CTNNA3: variants seen among roughly 807,000 people sequenced by gnomAD.
CTNNA3 encodes catenin alpha-3.
Under a neutral mutation model 95.7 loss-of-function variants are expected in CTNNA3, and 76 were observed. That is an observed-to-expected ratio of 0.79 (90% CI 0.66 to 0.96). The LOEUF is 0.96. CTNNA3 is among the 40% of genes least tolerant of loss of function. The probability of loss-of-function intolerance (pLI) is 0.00; values close to 1 mark genes in which losing one functional copy is unlikely to be tolerated. For missense variants in CTNNA3, 1,191 were observed against 1,089.8 expected (o/e 1.09, Z -1.31); for synonymous variants, 431 against 374.4 (o/e 1.15, Z -1.74).
intron 5 of CTNNA3, among the ~76,000 whole-genome samples, chr10:67,280,782 C>G (rs1839366480): frequency 6.6e-6 from 1 of 152,020 alleles, no homozygotes; most frequent in African/African-American, 2.4e-5. Context: ...ATTTACAATC[C>G]CTCAAAATTG....
intron 17 of CTNNA3, among the ~76,000 whole-genome samples, chr10:65,940,346 A>G (rs1424905492): frequency 6.6e-6 from 1 of 152,232 alleles, no homozygotes; most frequent in East Asian, 1.9e-4. Flanking sequence ...AGTTTAAAAC[A>G]TTGTTAATCT....
rs994783101 is a variant in CTNNA3, at chr10:67,191,672, A to T, written c.844-11152T>A. 2.6e-5 allele frequency among the ~76,000 whole-genome samples: 4 copies of T among 152,056 alleles called. No homozygotes were observed. In the East Asian group the frequency reaches 5.8e-4, roughly 22 times the overall value. ...ATTAGTACTGTTAAATGTCTATATT[A>T]CCCAAAGTGATCTATAGAGTCAAAA... On this transcript the variant is annotated intron_variant, in intron 6 of 17. Coordinates refer to ENST00000433211, the MANE Select transcript of CTNNA3 (RefSeq NM_013266.4).
chr10:66,163,269 T>A (rs1285973878), intron 13 of CTNNA3, among the ~76,000 whole-genome samples: 3 of 152,076 alleles, frequency 2.0e-5, no homozygotes, highest in African/African-American at 7.2e-5. Flanking sequence ...CCGTTAGTGA[T>A]TTCCTCCTCC....
chr10:65,979,565 A>G (rs957098816), intron 16 of CTNNA3, among the ~76,000 whole-genome samples: 1 of 152,078 alleles, frequency 6.6e-6, no homozygotes, highest in Non-Finnish European at 1.5e-5. Flanking sequence ...TAGCCAGCCA[A>G]CTACAAGAAG....
intron 7 of CTNNA3, among the ~76,000 whole-genome samples, chr10:66,987,718 G>C (rs537478388): frequency 5.2e-4 from 79 of 152,170 alleles, no homozygotes; most frequent in African/African-American, 1.8e-3. Context: ...ATAAACATAA[G>C]GTAAGATGCT....
chr10:67,293,696 G>A (rs1052422299), intron 5 of CTNNA3, among the ~76,000 whole-genome samples: 3 of 124,338 alleles, frequency 2.4e-5, no homozygotes, highest in African/African-American at 9.9e-5. Flanking sequence ...GCCCCAGTGT[G>A]TGATGTCCCC....
chr10:67,741,774 C>T (rs1307110959), intron 1 of CTNNA3, among the ~76,000 whole-genome samples: 1 of 151,030 alleles, frequency 6.6e-6, no homozygotes, highest in Non-Finnish European at 1.5e-5. Flanking sequence ...TTCACGTGCA[C>T]AGACACACAT....
chr10:66,645,090 C>G (rs1845659967), intron 9 of CTNNA3, among the ~76,000 whole-genome samples: 1 of 151,824 alleles, frequency 6.6e-6, no homozygotes, highest in Non-Finnish European at 1.5e-5. Flanking sequence ...ACAGTTTATT[C>G]CTTTTTATTG....
At chr10:67,063,736 A>G (rs1855899040) in intron 7 of CTNNA3, among the ~76,000 whole-genome samples, 1 of 152,230 alleles carries the variant, frequency 6.6e-6, no homozygotes, top group African/African-American at 2.4e-5. Flanking sequence ...CTTGTACTCT[A>G]TATAAACTCT....
At chr10:65,983,228 A>G (rs2078360749) in intron 16 of CTNNA3, among the ~76,000 whole-genome samples, 1 of 151,686 alleles carries the variant, frequency 6.6e-6, no homozygotes, top group Non-Finnish European at 1.5e-5. Flanking sequence ...TGGCAAAATT[A>G]CAAGGAGGAA....
intron 7 of CTNNA3, among the ~76,000 whole-genome samples, chr10:66,827,519 A>G (rs961766787): frequency 2.6e-5 from 4 of 152,176 alleles, no homozygotes; most frequent in African/African-American, 4.8e-5. Context: ...TATAGTGGAA[A>G]AAGTCTCGTA....
At chr10:66,220,045 C>T (rs912057002) in intron 13 of CTNNA3, among the ~76,000 whole-genome samples, 2 of 152,062 alleles carry the variant, frequency 1.3e-5, no homozygotes, top group Non-Finnish European at 2.9e-5. Flanking sequence ...ATCACTTGAA[C>T]CCGGGAGGCA....
At chr10:67,170,607 G>C (rs1024976146) in intron 7 of CTNNA3, among the ~76,000 whole-genome samples, 4 of 152,076 alleles carry the variant, frequency 2.6e-5, no homozygotes, top group African/African-American at 9.7e-5. Flanking sequence ...GTAAACACTG[G>C]ACTCTTCTTG....
intron 5 of CTNNA3, among the ~76,000 whole-genome samples, chr10:67,279,464 G>C (rs79871256): frequency 6.6e-6 from 1 of 151,670 alleles, no homozygotes; most frequent in Non-Finnish European, 1.5e-5. Flanking sequence ...TATGTAAAGG[G>C]GGAAAGCGGG....
At chr10:67,275,282 C>G (rs145133320) in intron 5 of CTNNA3, among the ~76,000 whole-genome samples, 1 of 152,116 alleles carries the variant, frequency 6.6e-6, no homozygotes, top group Non-Finnish European at 1.5e-5. Flanking sequence ...AATAACCACA[C>G]GTGCACACAT....
chr10:66,273,733 A>G (rs1034811958), intron 13 of CTNNA3, among the ~76,000 whole-genome samples: 2 of 152,182 alleles, frequency 1.3e-5, no homozygotes, highest in African/African-American at 4.8e-5. Flanking sequence ...CTTTATTTGA[A>G]AAGCATCAGG....
intron 7 of CTNNA3, among the ~76,000 whole-genome samples, chr10:67,122,156 G>C (rs1042550306): frequency 3.9e-5 from 6 of 151,932 alleles, no homozygotes; most frequent in Non-Finnish European, 8.8e-5. Context: ...TCTTTCCTAA[G>C]GGAAAGGATA....
intron 9 of CTNNA3, among the ~76,000 whole-genome samples, chr10:66,694,944 G>C (rs1371424722): frequency 6.6e-6 from 1 of 152,044 alleles, no homozygotes; most frequent in Non-Finnish European, 1.5e-5. Flanking sequence ...AATGTGCCCA[G>C]ATTGTTTCAG....
intron 9 of CTNNA3, among the ~76,000 whole-genome samples, chr10:66,761,557 C>A (rs751295043): frequency 6.6e-6 from 1 of 151,898 alleles, no homozygotes; most frequent in Non-Finnish European, 1.5e-5. Flanking sequence ...AATTGACTTG[C>A]AGAAAACAAA....
Sources: allele counts gnomAD v4.1 joint callset (sites outside exome capture counted in the v4.1 genomes callset), GRCh38; gene constraint gnomAD v4.1.1; transcripts MANE v1.5; gene names NCBI Gene and HGNC (gene_info 2026-07-23, HGNC 2026-07-21).